Variants in ZNF567 observed in about 807,000 individuals in gnomAD.
ZNF567 encodes zinc finger protein 567.
Under a neutral mutation model 53.9 loss-of-function variants are expected in ZNF567, and 36 were observed. That is an observed-to-expected ratio of 0.67 (90% confidence interval 0.51 to 0.88). ZNF567 has a LOEUF of 0.88. Among genes scored for constraint, ZNF567 ranks in the 40% least tolerant of loss-of-function variants. The probability of loss-of-function intolerance (pLI) is 0.00; values close to 1 mark genes in which losing one functional copy is unlikely to be tolerated. For synonymous variants in ZNF567, 224 were observed against 260.4 expected (o/e 0.86, Z 1.35); for missense variants, 619 against 764.7 (o/e 0.81, Z 2.25).
intron 3 of ZNF567, among the ~76,000 whole-genome samples, chr19:36,705,470 A>G (rs991350337): frequency 2.6e-5 from 4 of 152,168 alleles, no homozygotes; most frequent in Non-Finnish European, 5.9e-5. Context: ...TTAATTTCCA[A>G]ATATTTGGGG....
At chr19:36,677,233 G>A in the ZNF567 span, among the ~76,000 whole-genome samples, 1 of 150,530 alleles carries the variant, frequency 6.6e-6, no homozygotes, top group Non-Finnish European at 1.5e-5. Context: ...GCTGAGGTGG[G>A]TGGATCACGA....
chr19:36,720,596 GTCTT>G lies in ZNF567; in HGVS notation c.1875_1878del (p.Phe626ValfsTer23). The G allele has an allele frequency of 6.2e-7, 1 of 1,605,238 alleles. No homozygotes were observed. Among genetic ancestry groups the G allele is most frequent in the South Asian group, 1.1e-5 (1 of 89,206 alleles). ...CCTATGTTTGTAATGAGTGTGGTAA[GTCTT>G]TCAGTTATAAGAGAAACCTCATTGT... On this transcript the variant is annotated frameshift_variant, in exon 6 of 6. Coordinates refer to ENST00000682579, the MANE Select transcript of ZNF567 (RefSeq NM_001322917.1). LOFTEE classifies it high-confidence loss of function.
At chr19:36,686,579 G>A (rs1159665924), upstream of ZNF567, 1 of 152,166 alleles carries the variant, frequency 6.6e-6, no homozygotes, top group Non-Finnish European at 1.5e-5. Context: ...TGGATCACAT[G>A]GAACCTGACC....
the ZNF567 span, among the ~76,000 whole-genome samples, chr19:36,676,644 C>T: frequency 2.6e-5 from 4 of 152,196 alleles, no homozygotes; most frequent in African/African-American, 9.6e-5. Context: ...GGATAACCAT[C>T]AAGTTCTCCA....
At chr19:36,670,839 C>T in the ZNF567 span, among the ~76,000 whole-genome samples, 1 of 152,278 alleles carries the variant, frequency 6.6e-6, no homozygotes, top group African/African-American at 2.4e-5. Context: ...TGGTGGCTCA[C>T]ACCTGTAATC....
At chr19:36,673,954 A>G in the ZNF567 span, among the ~76,000 whole-genome samples, 1 of 152,032 alleles carries the variant, frequency 6.6e-6, no homozygotes, top group Admixed American at 6.6e-5. Flanking sequence ...TTAGATTACC[A>G]TTTTCTAACT....
chr19:36,699,635 C>T (rs1415382744), intron 3 of ZNF567, among the ~76,000 whole-genome samples: 1 of 152,158 alleles, frequency 6.6e-6, no homozygotes, highest in African/African-American at 2.4e-5. Context: ...AGAGGTCCTT[C>T]ACATCCCTTG....
intron 2 of ZNF567, among the ~76,000 whole-genome samples, chr19:36,694,218 C>T (rs1364738941): frequency 6.6e-6 from 1 of 151,834 alleles, no homozygotes; most frequent in Non-Finnish European, 1.5e-5. Context: ...ACTCCTACCA[C>T]AAAAATAAAG....
chr19:36,677,110 A>G, the ZNF567 span, among the ~76,000 whole-genome samples: 2 of 137,382 alleles, frequency 1.5e-5, no homozygotes, highest in East Asian at 2.3e-4. Context: ...AGCCAAGACC[A>G]TGCCATTGCA....
At chr19:36,668,947 A>C in the ZNF567 span, 6 of 152,170 alleles carry the variant, frequency 3.9e-5, no homozygotes, top group Admixed American at 6.5e-5. Flanking sequence ...TCAGTTGAAA[A>C]TATCTGGGAA....
At chr19:36,681,890 A>G in the ZNF567 span, among the ~76,000 whole-genome samples, 1 of 152,100 alleles carries the variant, frequency 6.6e-6, no homozygotes, top group Admixed American at 6.6e-5. Context: ...ATACTGATCA[A>G]CCTAACTCCT....
chr19:36,705,286 T>C (rs927984210), intron 3 of ZNF567, among the ~76,000 whole-genome samples: 1 of 152,156 alleles, frequency 6.6e-6, no homozygotes, highest in Admixed American at 6.5e-5. Context: ...GAAGTGTACA[T>C]TGAGTTAAGA....
chr19:36,680,723 G>A, the ZNF567 span, among the ~76,000 whole-genome samples: 836 of 152,276 alleles, frequency 5.5e-3, 23 homozygotes, highest in Admixed American at 0.037. Flanking sequence ...TAGGGGAGAA[G>A]CCTCACTTTG....
At chr19:36,696,162 C>T (rs2038875000) in intron 3 of ZNF567, among the ~76,000 whole-genome samples, 2 of 152,148 alleles carry the variant, frequency 1.3e-5, no homozygotes, top group South Asian at 4.1e-4. Flanking sequence ...TTTGTATAGA[C>T]TGCCATACTA....
At chr19:36,677,648 T>C in the ZNF567 span, among the ~76,000 whole-genome samples, 2 of 151,326 alleles carry the variant, frequency 1.3e-5, no homozygotes, top group Non-Finnish European at 2.9e-5. Flanking sequence ...GCGCCTGTAG[T>C]CCCAGCTACT....
the ZNF567 span, among the ~76,000 whole-genome samples, chr19:36,671,175 A>C: frequency 3.3e-5 from 5 of 152,204 alleles, no homozygotes; most frequent in Non-Finnish European, 7.3e-5. Context: ...CACTGATTCA[A>C]CCTAGTGAAC....
At chr19:36,678,757 T>C in the ZNF567 span, among the ~76,000 whole-genome samples, 1 of 151,182 alleles carries the variant, frequency 6.6e-6, no homozygotes, top group Non-Finnish European at 1.5e-5. Context: ...GGCAGGAGAA[T>C]GGTGTGAACC....
chr19:36,722,214 T>C (rs566365420), downstream of ZNF567, among the ~76,000 whole-genome samples: 19 of 152,196 alleles, frequency 1.2e-4, no homozygotes, highest in Non-Finnish European at 2.1e-4. Context: ...AACAGCATTA[T>C]TGCAGGTCCT....
chr19:36,720,388 A>G lies in ZNF567; in HGVS notation c.1664A>G (p.His555Arg), dbSNP rs1189109045. 1.2e-6 allele frequency: 2 copies of G among 1,614,186 alleles called. No individual in the cohort carries two copies. The highest frequency in any genetic ancestry group is 1.3e-5 in the African/African-American group (1 of 75,060). Reference sequence around the variant, plus strand: ...ACCCTCACTGTACATCAGAAAATACATACCGGCCAGAAATCCTATGAATGT... The same window carrying G: ...ACCCTCACTGTACATCAGAAAATACGTACCGGCCAGAAATCCTATGAATGT... ...KATLTVHQKI[H>R]TGQKSYECPQ... The change falls in exon 6 of 6, where the codon CAT becomes CGT. Residue 555 changes from histidine (H) to arginine (R), a missense_variant. Transcript: ENST00000682579.
Sources: gnomAD v4.1 joint callset for allele counts (sites outside exome capture counted in the v4.1 genomes callset) on GRCh38, gnomAD v4.1.1 for gene constraint, MANE v1.5 for transcripts, NCBI Gene and HGNC (gene_info 2026-07-23, HGNC 2026-07-21) for gene names.